Variants in DYM observed in about 807,000 individuals in gnomAD.
DYM encodes the protein dyggve-Melchior-Clausen syndrome protein.
In DYM, 78 loss-of-function variants were observed where a neutral mutation model predicts 93.1. That is an observed-to-expected ratio of 0.84 (90% CI 0.70 to 1.01). The LOEUF is 1.01. Ranked by LOEUF, DYM falls within the 50% of genes least tolerant of loss-of-function variation. DYM has a pLI of 0.00. For synonymous variants in DYM, 321 were observed against 319.7 expected (o/e 1.00, Z -0.04); for missense variants, 789 against 845.0 (o/e 0.93, Z 0.82).
chr18:49,327,584 T>C (rs1438619702), intron 8 of DYM, among the ~76,000 whole-genome samples: 1 of 152,078 alleles, frequency 6.6e-6, no homozygotes, highest in Non-Finnish European at 1.5e-5. Context: ...CTCAAACTCC[T>C]GAGCTCAAGC....
intron 11 of DYM, among the ~76,000 whole-genome samples, chr18:49,264,943 T>C (rs141623821): frequency 5.9e-5 from 9 of 152,340 alleles, no homozygotes; most frequent in Non-Finnish European, 1.3e-4. Flanking sequence ...CTAGGAGCTA[T>C]ACTACAAAAG....
intron 2 of DYM, among the ~76,000 whole-genome samples, chr18:49,409,928 C>T (rs1440786713): frequency 6.6e-6 from 1 of 152,178 alleles, no homozygotes; most frequent in Non-Finnish European, 1.5e-5. Context: ...GGTCGTGGAG[C>T]CTATACGTAG....
chr18:49,156,806 T>C (rs1481289854), intron 15 of DYM, among the ~76,000 whole-genome samples: 2 of 150,920 alleles, frequency 1.3e-5, no homozygotes, highest in East Asian at 3.9e-4. Flanking sequence ...GAGCTAGTCA[T>C]ATGCCCCCCT....
chr18:49,146,391 G>C (rs989677120), intron 15 of DYM, among the ~76,000 whole-genome samples: 1 of 152,174 alleles, frequency 6.6e-6, no homozygotes, highest in African/African-American at 2.4e-5. Flanking sequence ...ATTCGGAAAA[G>C]AGGAAGTCAA....
intron 8 of DYM, among the ~76,000 whole-genome samples, chr18:49,307,416 T>G (rs963573374): frequency 2.0e-5 from 3 of 152,124 alleles, no homozygotes; most frequent in East Asian, 3.9e-4. Flanking sequence ...GATGAGCATA[T>G]GTACTCCCTT....
chr18:49,151,647 GCT>G (rs2085829115), intron 15 of DYM, among the ~76,000 whole-genome samples: 1 of 152,114 alleles, frequency 6.6e-6, no homozygotes, highest in Non-Finnish European at 1.5e-5. Context: ...TTTCTTCTTA[GCT>G]TTGTTTTACA....
chr18:49,173,125 G>C (rs2088960126), intron 14 of DYM, among the ~76,000 whole-genome samples: 1 of 151,908 alleles, frequency 6.6e-6, no homozygotes, highest in South Asian at 2.1e-4. Context: ...ATTTCATTGA[G>C]CATATATGCA....
chr18:49,301,903 A>G (rs1043654294), intron 8 of DYM, among the ~76,000 whole-genome samples: 1 of 152,198 alleles, frequency 6.6e-6, no homozygotes, highest in Non-Finnish European at 1.5e-5. Context: ...CTGCCATGCA[A>G]CAGGAGTGAC....
intron 13 of DYM, among the ~76,000 whole-genome samples, chr18:49,214,689 GAAAC>G (rs1458838967): frequency 1.3e-5 from 2 of 152,254 alleles, no homozygotes; most frequent in East Asian, 3.9e-4. Context: ...TTTGACATGA[GAAAC>G]AAATACCCAG....
At chr18:49,060,160 A>T (rs1364024217) in intron 17 of DYM, among the ~76,000 whole-genome samples, 1 of 152,198 alleles carries the variant, frequency 6.6e-6, no homozygotes, top group Admixed American at 6.5e-5. Context: ...AATAATTGCC[A>T]GTTCTGATTT....
intron 17 of DYM, among the ~76,000 whole-genome samples, chr18:49,064,400 A>G (rs2076231484): frequency 6.6e-6 from 1 of 152,216 alleles, no homozygotes; most frequent in South Asian, 2.1e-4. Context: ...TTATAATGAA[A>G]ATGCCTTTGA....
intron 8 of DYM, among the ~76,000 whole-genome samples, chr18:49,320,032 T>A (rs2062342006): frequency 6.6e-6 from 1 of 152,120 alleles, no homozygotes; most frequent in South Asian, 2.1e-4. Flanking sequence ...CTATAAAGCA[T>A]CATCATTCCG....
chr18:49,104,757 A>G (rs976137888), intron 16 of DYM, among the ~76,000 whole-genome samples: 7 of 152,248 alleles, frequency 4.6e-5, no homozygotes, highest in African/African-American at 1.2e-4. Flanking sequence ...CTAGGGATGA[A>G]GCCCACTTGA....
At chr18:49,128,480 A>T (rs2083050272) in intron 15 of DYM, among the ~76,000 whole-genome samples, 2 of 152,232 alleles carry the variant, frequency 1.3e-5, no homozygotes, top group South Asian at 4.1e-4. Flanking sequence ...TTTTAAAAAA[A>T]GTCTTTGACT....
At chr18:49,432,515 T>C (rs886179556) in intron 1 of DYM, among the ~76,000 whole-genome samples, 1 of 150,338 alleles carries the variant, frequency 6.7e-6, no homozygotes, top group African/African-American at 2.4e-5. Flanking sequence ...AGCTACCTAA[T>C]AGATATGGTA....
At chr18:49,384,710 A>G (rs987850635) in intron 3 of DYM, among the ~76,000 whole-genome samples, 3 of 149,784 alleles carry the variant, frequency 2.0e-5, no homozygotes, top group Non-Finnish European at 4.4e-5. Context: ...TAAAAATGCA[A>G]TAACAGCTAA....
chr18:49,229,936 C>T lies in DYM; in HGVS notation c.1461-20221G>A, dbSNP rs538102001. On this transcript the variant is annotated intron_variant, in intron 13 of 17. Transcript: ENST00000675505. ...TAAAATACTTGCTCAGTAATAAAAA[C>T]GAATGATACACACAAGAACATGGAT... Among the ~76,000 whole-genome samples the T allele has an allele frequency of 9.9e-5, 15 of 152,144 alleles. No individual in the cohort carries two copies. The South Asian group carries it at 2.1e-3, about 21-fold the overall frequency.
At chr18:49,209,113 A>G (rs1034040236) in intron 14 of DYM, among the ~76,000 whole-genome samples, 1 of 152,350 alleles carries the variant, frequency 6.6e-6, no homozygotes, top group African/African-American at 2.4e-5. Context: ...TATAAAATCA[A>G]CCTGCTCAAC....
intron 8 of DYM, among the ~76,000 whole-genome samples, chr18:49,327,035 G>A (rs2062936870): frequency 8.1e-6 from 1 of 122,866 alleles, no homozygotes; most frequent in Non-Finnish European, 1.7e-5. Context: ...GTGTGTGTGT[G>A]TGGTGGGGGG....
Sources: allele counts gnomAD v4.1 joint callset (sites outside exome capture counted in the v4.1 genomes callset), GRCh38; gene constraint gnomAD v4.1.1; transcripts MANE v1.5; gene names NCBI Gene and HGNC (gene_info 2026-07-23, HGNC 2026-07-21).